Variants in CD300LD observed in about 807,000 individuals in gnomAD.
The protein encoded by CD300LD is CD300 molecule like family member d, also known as CMRF35-like molecule 5.
CD300LD carries 18 observed loss-of-function variants against 20.3 expected under a neutral mutation model. The observed-to-expected ratio is 0.89, with a 90% CI of 0.61 to 1.32. CD300LD has a LOEUF of 1.32. Among genes scored for constraint, CD300LD ranks in the 40% most tolerant of loss-of-function variants. CD300LD has a pLI of 0.00. For missense variants in CD300LD, 195 were observed against 226.6 expected (o/e 0.86, Z 0.90); for synonymous variants, 104 against 90.1 (o/e 1.15, Z -0.87).
rs538792390 is a variant in CD300LD, at chr17:74,588,468, A to G, written c.379+43T>C. ...AGTGGGACCTCAGGGACCAGGACAG[A>G]GCAGGACCTGAGAGACACACACGTA... On this transcript the variant is annotated intron_variant, in intron 2 of 3. Coordinates refer to ENST00000375352, the MANE Select transcript of CD300LD (RefSeq NM_001115152.2). 9.7e-6 allele frequency: 13 copies of G among 1,334,120 alleles called. 1 individual carries two copies. In the South Asian group the frequency reaches 1.6e-4, roughly 16 times the overall value. The allele number at this position is 1,334,120 out of a possible 1,614,324, so 82.6% of individuals were successfully genotyped here.
intron 2 of CD300LD, chr17:74,584,965 C>T (rs1292013478): frequency 1.3e-5 from 2 of 152,130 alleles, no homozygotes; most frequent in Admixed American, 1.3e-4. Flanking sequence ...AAGATCAGTG[C>T]CCTAAAGAGG....
In CD300LD at chr17:74,588,797, C is replaced by T. The variant is rs753724749; in HGVS notation, c.93G>A (p.Glu31=). 2.5e-6 allele frequency: 4 copies of T among 1,614,042 alleles called. No individual in the cohort carries two copies. The East Asian group carries it at 6.7e-5, about 27-fold the overall frequency. Residue 31 remains glutamate, a synonymous_variant, in exon 2 of 4, where the codon GAG becomes GAA. Coordinates refer to ENST00000375352, the MANE Select transcript of CD300LD (RefSeq NM_001115152.2). ...CACACTGCACAGTCAATGAGCCCTGCTCCGAGCCATTCACTGTTGTTGGAC... is the reference window on the plus strand; with the variant it reads ...CACACTGCACAGTCAATGAGCCCTGTTCCGAGCCATTCACTGTTGTTGGAC... ...ITGPTTVNGS[E]QGSLTVQCAY...
intron 2 of CD300LD, among the ~76,000 whole-genome samples, chr17:74,586,932 C>T (rs548055515): frequency 1.4e-4 from 21 of 152,170 alleles, no homozygotes; most frequent in African/African-American, 4.3e-4. Context: ...CCCTTCTTTA[C>T]GGAGGTTGGG....
At chr17:74,579,162 C>A (rs1248160724), downstream of CD300LD, among the ~76,000 whole-genome samples, 1 of 152,238 alleles carries the variant, frequency 6.6e-6, no homozygotes, top group African/African-American at 2.4e-5. Context: ...GGCAGGAGAG[C>A]AGCTGGCACG....
Position 74,587,149 on chromosome 17 carries a change from C to CAAA in CD300LD, c.379+1359_379+1361dup, listed in dbSNP as rs56389324. 2.5e-4 allele frequency among the ~76,000 whole-genome samples: 35 copies of CAAA among 139,644 alleles called. No individual in the cohort carries two copies. In the South Asian group the frequency reaches 7.5e-3, roughly 30 times the overall value. The allele number at this position is 139,644 out of a possible 152,430, so 91.6% of individuals were successfully genotyped here. On this transcript the variant is annotated intron_variant, in intron 2 of 3. Transcript: ENST00000375352. ...AGGCAACAAGAGCGAAACTCCATCT[C>CAAA]AAAAAAAAAAAAATTGATATTATCC... is the stretch of plus-strand genomic sequence containing the variant.
At chr17:74,590,470 C>T (rs1410673932) in intron 1 of CD300LD, 3 of 151,950 alleles carry the variant, frequency 2.0e-5, no homozygotes, top group Non-Finnish European at 4.4e-5. Flanking sequence ...ATTATTACCC[C>T]TGGATGAATG....
chr17:74,587,519 CAT>C (rs1489648084), intron 2 of CD300LD, among the ~76,000 whole-genome samples: 1 of 152,168 alleles, frequency 6.6e-6, no homozygotes, highest in Non-Finnish European at 1.5e-5. Context: ...TCACAGAAAA[CAT>C]ATCTCATTTC....
chr17:74,592,064 G>GTCAT, intron 1 of CD300LD, 99 bp downstream of exon 1: 1 of 1,610,248 alleles, frequency 6.2e-7, no homozygotes, highest in Non-Finnish European at 8.5e-7. Context: ...AATTGGCGCT[G>GTCAT]TCATTTTCCC....
intron 2 of CD300LD, among the ~76,000 whole-genome samples, chr17:74,588,125 A>G (rs11868501): frequency 0.067 from 10,213 of 152,240 alleles, 463 homozygotes; most frequent in East Asian, 0.19. Flanking sequence ...CTCTCTGCAG[A>G]GTCCCAAGGT....
rs906949627 is a variant in CD300LD at position 74,582,396 on chromosome 17, A to C, written c.380-85T>G. Reference sequence around the variant, plus strand: ...GGCCCTAAGGCTTCTCCACCTAGGAATTAAGGAGCCTCTGCCTTGGGGTCC... The same window carrying C: ...GGCCCTAAGGCTTCTCCACCTAGGACTTAAGGAGCCTCTGCCTTGGGGTCC... On this transcript the variant is annotated intron_variant, in intron 2 of 3. Coordinates refer to ENST00000375352, the MANE Select transcript of CD300LD (RefSeq NM_001115152.2). The C allele has an allele frequency of 3.8e-6, 4 of 1,057,286 alleles. No homozygotes were observed. In the African/African-American group the frequency reaches 4.8e-5, roughly 13 times the overall value. The allele number at this position is 1,057,286 out of a possible 1,614,324, so 65.5% of individuals were successfully genotyped here. A position where few individuals can be genotyped will look rare whatever the true frequency, so the allele number is the denominator to read the frequency against.
At chr17:74,584,341 T>C (rs2143279110) in intron 2 of CD300LD, among the ~76,000 whole-genome samples, 1 of 152,256 alleles carries the variant, frequency 6.6e-6, no homozygotes, top group African/African-American at 2.4e-5. Flanking sequence ...CAACACTTGG[T>C]GTCAAGGTCA....
Position 74,582,214 on chromosome 17 carries a change from C to T in CD300LD, c.473+4G>A. 6.2e-7 allele frequency: 1 copy of T among 1,613,470 alleles called. No homozygotes were observed. The highest frequency in any genetic ancestry group is 8.5e-7 in the Non-Finnish European group (1 of 1,179,718). ...CGAAAGTGGTGGGACCTGGCTCCAC[C>T]TACCTGGTGAGGGGGCTGCTGGTCT... is the stretch of plus-strand genomic sequence containing the variant. On this transcript the variant is annotated splice_donor_region_variant and intron_variant, in intron 3 of 3. Transcript: ENST00000375352.
chr17:74,589,853 T>C (rs1333380169), intron 1 of CD300LD, among the ~76,000 whole-genome samples: 1 of 152,210 alleles, frequency 6.6e-6, no homozygotes, highest in Non-Finnish European at 1.5e-5. Flanking sequence ...GAAGAAGCCC[T>C]GGGGGCAATT....
intron 1 of CD300LD, 38 bp downstream of exon 1, chr17:74,592,125 C>T: frequency 1.2e-6 from 2 of 1,614,208 alleles, no homozygotes; most frequent in Non-Finnish European, 1.7e-6. Flanking sequence ...AAGCCAGCCG[C>T]TGTCATTCCA....
rs1598125578 is a variant in CD300LD, at chr17:74,579,690, C to A, written c.*312G>T. On this transcript the variant is annotated 3_prime_UTR_variant, in exon 4 of 4. Transcript: ENST00000375352. ...CTTGAGGTCAAGAGTTCGAGACCAGCCTGGGCAACGTGGTGGAAGCCCATC... is the reference window on the plus strand; with the variant it reads ...CTTGAGGTCAAGAGTTCGAGACCAGACTGGGCAACGTGGTGGAAGCCCATC... 4.9e-6 allele frequency: 1 copy of A among 202,318 alleles called. No individual in the cohort carries two copies. The highest frequency in any genetic ancestry group is 1.3e-4 in the East Asian group (1 of 7,582). The allele number at this position is 202,318 out of a possible 1,614,324, so 12.5% of individuals were successfully genotyped here.
chr17:74,588,617 G>A lies in CD300LD; in HGVS notation c.273C>T (p.Thr91=), dbSNP rs375361887. The part of the protein sequence containing the change: ...IRDNQKNHVF[T]VTMENLKRDD... ...CTCTTTTGAGATTCTCCATGGTCACGGTGAACACGTGGTTTTTCTGATTGT... is the reference window on the plus strand; with the variant it reads ...CTCTTTTGAGATTCTCCATGGTCACAGTGAACACGTGGTTTTTCTGATTGT... Residue 91 remains threonine (T), a synonymous_variant, in exon 2 of 4, where the codon ACC becomes ACT. Coordinates refer to ENST00000375352, the MANE Select transcript of CD300LD (RefSeq NM_001115152.2). The A allele has an allele frequency of 5.0e-5, 81 of 1,613,718 alleles. No individual in the cohort carries two copies. Among genetic ancestry groups the A allele is most frequent in the Admixed American group, 1.2e-4 (7 of 59,998 alleles).
chr17:74,586,773 C>G (rs969424982), intron 2 of CD300LD, among the ~76,000 whole-genome samples: 7 of 152,116 alleles, frequency 4.6e-5, no homozygotes, highest in Non-Finnish European at 8.8e-5. Context: ...TAAAAGCTGT[C>G]TTAATTTACA....
chr17:74,587,959 A>G (rs783240), intron 2 of CD300LD, among the ~76,000 whole-genome samples: 37,889 of 152,162 alleles, frequency 0.25, 6,352 homozygotes, highest in African/African-American at 0.48. Context: ...TCAGGGTCCT[A>G]TGAGACCTGT....
At position 74,579,974 on chromosome 17, in the gene CD300LD, T is replaced by G; in HGVS notation, c.*28A>C. 6.9e-7 allele frequency: 1 copy of G among 1,446,106 alleles called. No homozygotes were observed. The highest frequency in any genetic ancestry group is 9.7e-7 in the Non-Finnish European group (1 of 1,031,048). 89.6% of individuals were successfully genotyped at this position (1,446,106 alleles called of 1,614,324 possible). A position where few individuals can be genotyped will look rare whatever the true frequency, so the allele number is the denominator to read the frequency against. ...ACAGGACGTCAATGGGCATTGGGAC[T>G]CTCATCATCGGGCTGACTCCTCCTC... On this transcript the variant is annotated 3_prime_UTR_variant, in exon 4 of 4. Transcript: ENST00000375352.
Sources: gnomAD v4.1 joint callset for allele counts (sites outside exome capture counted in the v4.1 genomes callset) on GRCh38, gnomAD v4.1.1 for gene constraint, MANE v1.5 for transcripts, NCBI Gene and HGNC (gene_info 2026-07-23, HGNC 2026-07-21) for gene names.